Variants in NCALD observed in about 807,000 individuals in gnomAD.
NCALD encodes neurocalcin-delta.
Under a neutral mutation model 18.6 loss-of-function variants are expected in NCALD, and 10 were observed. The observed-to-expected ratio is 0.54, with a 90% CI of 0.33 to 0.91. NCALD has a LOEUF of 0.91. NCALD is among the 40% of genes least tolerant of loss of function. The pLI is 0.03. For missense variants in NCALD, 184 were observed against 247.6 expected (o/e 0.74, Z 1.72); for synonymous variants, 88 against 87.4 (o/e 1.01, Z -0.04).
At chr8:101,910,825 T>C (rs1478996023) in intron 3 of NCALD, among the ~76,000 whole-genome samples, 1 of 152,154 alleles carries the variant, frequency 6.6e-6, no homozygotes, top group Non-Finnish European at 1.5e-5. Context: ...GTTAAAACCA[T>C]GAGAAAGAGC....
chr8:101,866,020 C>G (rs913457076), intron 4 of NCALD, among the ~76,000 whole-genome samples: 2 of 152,168 alleles, frequency 1.3e-5, no homozygotes, highest in African/African-American at 2.4e-5. Flanking sequence ...CTTGAGAGAA[C>G]TACATCCATT....
At chr8:101,851,252 A>T (rs1187020917) in intron 4 of NCALD, among the ~76,000 whole-genome samples, 1 of 152,182 alleles carries the variant, frequency 6.6e-6, no homozygotes, top group Non-Finnish European at 1.5e-5. Context: ...GGGAGAAAAG[A>T]AGTGAAGAAA....
intron 2 of NCALD, among the ~76,000 whole-genome samples, chr8:101,944,637 A>G (rs117806440): frequency 0.02 from 2,972 of 152,294 alleles, 45 homozygotes; most frequent in Middle Eastern, 0.048. Flanking sequence ...GGCAGTGCCA[A>G]TTGGAGACCA....
chr8:101,931,666 G>GTTTGGT (rs1818579433), intron 2 of NCALD, among the ~76,000 whole-genome samples: 1 of 151,292 alleles, frequency 6.6e-6, no homozygotes, highest in Non-Finnish European at 1.5e-5. Context: ...GTTTGTTTGG[G>GTTTGGT]TTTGGTTTTG....
Position 101,979,699 on chromosome 8 carries a change from G to A in NCALD, c.-157+40538C>T, listed in dbSNP as rs190133956. 6.6e-5 allele frequency among the ~76,000 whole-genome samples: 10 copies of A among 152,320 alleles called. No homozygotes were observed. In the East Asian group the frequency reaches 1.4e-3, roughly 21 times the overall value. On this transcript the variant is annotated intron_variant, in intron 2 of 6. Transcript: ENST00000311028. ...ATAGACATAGTTTTCCTTTCAGAATGCTGAAAGAAGTGTGATTGAGTTAGA... is the reference window on the plus strand; with the variant it reads ...ATAGACATAGTTTTCCTTTCAGAATACTGAAAGAAGTGTGATTGAGTTAGA...
chr8:101,772,539 AC>A (rs1247943447), intron 1 of NCALD, among the ~76,000 whole-genome samples: 9 of 152,126 alleles, frequency 5.9e-5, no homozygotes, highest in African/African-American at 2.2e-4. Flanking sequence ...CTATTCCTGA[AC>A]CCACTGCCCT....
chr8:101,721,998 T>C (rs953665218), intron 1 of NCALD, among the ~76,000 whole-genome samples: 1 of 152,118 alleles, frequency 6.6e-6, no homozygotes, highest in African/African-American at 2.4e-5. Context: ...TGTACCACCA[T>C]GCCTGGCTAA....
chr8:102,077,687 G>A (rs1242388193), intron 1 of NCALD, among the ~76,000 whole-genome samples: 6 of 152,054 alleles, frequency 3.9e-5, no homozygotes, highest in Admixed American at 6.5e-5. Context: ...TCCCTTTAGC[G>A]ACTACTGATT....
chr8:102,021,671 C>A (rs919871944), intron 1 of NCALD, among the ~76,000 whole-genome samples: 37 of 152,192 alleles, frequency 2.4e-4, no homozygotes, highest in African/African-American at 8.7e-4. Context: ...TCTGACCTTC[C>A]ACTAGCCCGG....
intron 2 of NCALD, among the ~76,000 whole-genome samples, chr8:101,704,921 A>AAAAACAT (rs1815438251): frequency 6.6e-6 from 1 of 150,630 alleles, no homozygotes. Flanking sequence ...ACTCCGTGTC[A>AAAAACAT]AAAAAATAAA....
At chr8:101,976,712 T>G (rs1015767084) in intron 2 of NCALD, among the ~76,000 whole-genome samples, 3 of 152,172 alleles carry the variant, frequency 2.0e-5, no homozygotes, top group Non-Finnish European at 4.4e-5. Context: ...CAATATAAAC[T>G]AAGCTCCTAC....
At chr8:101,730,479 CAAAAAAAAAA>C (rs869241027) in intron 1 of NCALD, among the ~76,000 whole-genome samples, 3 of 43,674 alleles carry the variant, frequency 6.9e-5, no homozygotes, top group East Asian at 6.9e-4. Context: ...GACTCCATCT[CAAAAAAAAAA>C]AAAAAAAAAA....
chr8:101,872,431 A>C, intron 4 of NCALD: 1 of 1,137,312 alleles, frequency 8.8e-7, no homozygotes, highest in East Asian at 2.3e-5. Flanking sequence ...TGACTGCTGA[A>C]GGATGTGCTG....
At chr8:101,719,980 T>G in intron 1 of NCALD, among the ~76,000 whole-genome samples, 1 of 152,182 alleles carries the variant, frequency 6.6e-6, no homozygotes, top group East Asian at 1.9e-4. Flanking sequence ...GCTTAGTTAA[T>G]TTTGACATCA....
At position 101,779,733 on chromosome 8, in the gene NCALD, C is replaced by T. The variant is rs556510649; in HGVS notation, c.-20+11129G>A. Among the ~76,000 whole-genome samples the T allele has an allele frequency of 2.6e-5, 4 of 152,204 alleles. No homozygotes were observed. In the East Asian group the frequency reaches 7.7e-4, roughly 29 times the overall value. On this transcript the variant is annotated intron_variant, in intron 1 of 3. Coordinates refer to ENST00000220931, the MANE Select transcript of NCALD (RefSeq NM_032041.3). ...TCTGTTTTAAAACCCCTTCTCCCAA[C>T]CAAGGGTATTTTTGTTTGATTATCT...
At chr8:101,797,358 T>C (rs1039342930) in intron 4 of NCALD, among the ~76,000 whole-genome samples, 2 of 151,952 alleles carry the variant, frequency 1.3e-5, no homozygotes, top group Non-Finnish European at 2.9e-5. Context: ...ATGCCAAAAA[T>C]CTTAAAAACA....
intron 3 of NCALD, among the ~76,000 whole-genome samples, chr8:101,894,875 T>C (rs987287444): frequency 6.7e-6 from 1 of 149,958 alleles, no homozygotes; most frequent in African/African-American, 2.5e-5. Context: ...TAATCAATAG[T>C]TTACCAACCA....
chr8:101,759,908 T>C (rs1439912327), intron 1 of NCALD, among the ~76,000 whole-genome samples: 1 of 152,164 alleles, frequency 6.6e-6, no homozygotes, highest in East Asian at 1.9e-4. Context: ...GATTAAACAA[T>C]ACCTAGCACT....
intron 4 of NCALD, among the ~76,000 whole-genome samples, chr8:101,804,223 A>G (rs942410498): frequency 3.3e-5 from 5 of 149,418 alleles, no homozygotes; most frequent in African/African-American, 1.2e-4. Context: ...TAGCAATTTT[A>G]GAAAATAATA....
Sources: gnomAD v4.1 joint callset for allele counts (sites outside exome capture counted in the v4.1 genomes callset) on GRCh38, gnomAD v4.1.1 for gene constraint, MANE v1.5 for transcripts, NCBI Gene and HGNC (gene_info 2026-07-23, HGNC 2026-07-21) for gene names.